Variants in CNTN5 observed in about 807,000 individuals in gnomAD.
CNTN5 encodes the protein contactin-5.
Under a neutral mutation model 129.1 loss-of-function variants are expected in CNTN5, and 77 were observed. That is an observed-to-expected ratio of 0.60 (90% CI 0.50 to 0.72). The LOEUF (loss-of-function observed/expected upper bound fraction) is 0.72. Ranked by LOEUF, CNTN5 falls within the 30% of genes least tolerant of loss-of-function variation. CNTN5 has a pLI of 0.00. For synonymous variants in CNTN5, 509 were observed against 465.6 expected, an observed-to-expected ratio of 1.09 and a Z score of -1.20; for missense variants, 1,478 against 1,328.8, an observed-to-expected ratio of 1.11 and a Z score of -1.75.
chr11:100,267,291 AG>A (rs1565384543), intron 17 of CNTN5, among the ~76,000 whole-genome samples: 31 of 152,000 alleles, frequency 2.0e-4, no homozygotes, highest in African/African-American at 7.2e-4. Context: ...AGAGAGAGAG[AG>A]AAAGAGAGAG....
chr11:99,629,675 CTTA>C, intron 3 of CNTN5, among the ~76,000 whole-genome samples: 1 of 89,356 alleles, frequency 1.1e-5, no homozygotes, highest in African/African-American at 3.2e-5. Flanking sequence ...AACCTTAATT[CTTA>C]CTACTCGATG....
At chr11:100,003,625 A>G (rs1311816526) in intron 9 of CNTN5, among the ~76,000 whole-genome samples, 1 of 152,226 alleles carries the variant, frequency 6.6e-6, no homozygotes, top group Non-Finnish European at 1.5e-5. Context: ...AAGCTTATTT[A>G]ATAAGTTAGA....
At chr11:99,581,897 G>T (rs1949613247) in intron 3 of CNTN5, among the ~76,000 whole-genome samples, 1 of 152,146 alleles carries the variant, frequency 6.6e-6, no homozygotes, top group Non-Finnish European at 1.5e-5. Flanking sequence ...TTGCTCGTTA[G>T]TTGATGCAGT....
intron 13 of CNTN5, among the ~76,000 whole-genome samples, chr11:100,165,675 A>G (rs2161051): frequency 0.22 from 33,833 of 151,566 alleles, 4,857 homozygotes; most frequent in East Asian, 0.56. Context: ...AATAATTACT[A>G]CTGAGAGCGG....
chr11:99,683,763 T>C (rs1260414222), intron 3 of CNTN5, among the ~76,000 whole-genome samples: 1 of 151,856 alleles, frequency 6.6e-6, no homozygotes, highest in Non-Finnish European at 1.5e-5. Flanking sequence ...AGTGTATTTC[T>C]CTTTTACATT....
intron 2 of CNTN5, among the ~76,000 whole-genome samples, chr11:99,329,118 C>G (rs1865904483): frequency 1.3e-5 from 2 of 152,038 alleles, no homozygotes; most frequent in South Asian, 4.2e-4. Context: ...TATGTTGGTG[C>G]ATTAATATTT....
intron 1 of CNTN5, among the ~76,000 whole-genome samples, chr11:99,140,640 G>T (rs964421131): frequency 1.3e-5 from 2 of 151,896 alleles, no homozygotes; most frequent in African/African-American, 4.8e-5. Context: ...TGTCATAGAT[G>T]GCCCTTATTA....
intron 2 of CNTN5, among the ~76,000 whole-genome samples, chr11:99,401,099 T>C (rs1179573026): frequency 2.6e-5 from 4 of 152,160 alleles, no homozygotes; most frequent in Admixed American, 2.6e-4. Context: ...ATCCCATTTG[T>C]CTATTTTTGC....
At chr11:99,635,890 G>A (rs1951532450) in intron 3 of CNTN5, among the ~76,000 whole-genome samples, 2 of 152,042 alleles carry the variant, frequency 1.3e-5, no homozygotes, top group African/African-American at 2.4e-5. Flanking sequence ...CCCAAGTGGT[G>A]CACTAAACCA....
At chr11:100,267,933 C>G (rs909580825) in intron 17 of CNTN5, among the ~76,000 whole-genome samples, 1 of 152,130 alleles carries the variant, frequency 6.6e-6, no homozygotes, top group Admixed American at 6.6e-5. Flanking sequence ...TGACGCAGGT[C>G]ACTGATGCTT....
At chr11:99,203,033 G>T (rs1286541217) in intron 1 of CNTN5, among the ~76,000 whole-genome samples, 1 of 152,010 alleles carries the variant, frequency 6.6e-6, no homozygotes, top group African/African-American at 2.4e-5. Flanking sequence ...CAGGCAGAGA[G>T]GGAGGGAGGA....
intron 4 of CNTN5, among the ~76,000 whole-genome samples, chr11:99,821,874 C>T (rs1010862359): frequency 1.3e-5 from 2 of 152,080 alleles, no homozygotes; most frequent in Non-Finnish European, 2.9e-5. Context: ...ATCATTTGGT[C>T]CTCTGCTAAT....
intron 23 of CNTN5, among the ~76,000 whole-genome samples, chr11:100,346,326 A>G (rs776407112): frequency 9.2e-5 from 14 of 152,180 alleles, no homozygotes; most frequent in Non-Finnish European, 1.9e-4. Flanking sequence ...ATATTCAGCC[A>G]TAATTTTTAA....
At chr11:100,146,097 T>C (rs1438177379) in intron 13 of CNTN5, among the ~76,000 whole-genome samples, 1 of 152,168 alleles carries the variant, frequency 6.6e-6, no homozygotes, top group African/African-American at 2.4e-5. Flanking sequence ...GCTGTATAAA[T>C]ATAAGCATGG....
intron 2 of CNTN5, among the ~76,000 whole-genome samples, chr11:99,403,056 G>A (rs1477607277): frequency 6.7e-6 from 1 of 150,046 alleles, no homozygotes; most frequent in African/African-American, 2.4e-5. Context: ...ACCCAGGCTG[G>A]AGTGCAGTGG....
intron 3 of CNTN5, among the ~76,000 whole-genome samples, chr11:99,758,611 A>G (rs561007696): frequency 6.6e-6 from 1 of 152,174 alleles, no homozygotes; most frequent in African/African-American, 2.4e-5. Flanking sequence ...TAATCTTATG[A>G]GAGTGTTGTG....
At chr11:99,132,577 T>C (rs748868725) in intron 1 of CNTN5, among the ~76,000 whole-genome samples, 3 of 152,092 alleles carry the variant, frequency 2.0e-5, no homozygotes, top group African/African-American at 7.2e-5. Flanking sequence ...ACAATCAATG[T>C]GCAGAAATCA....
intron 3 of CNTN5, among the ~76,000 whole-genome samples, chr11:99,623,090 A>G (rs1007687309): frequency 5.3e-5 from 8 of 152,244 alleles, no homozygotes; most frequent in African/African-American, 1.9e-4. Context: ...ATTTCAATGT[A>G]ACCTCTGTTT....
At chr11:99,375,243 C>T (rs1325032809) in intron 2 of CNTN5, among the ~76,000 whole-genome samples, 1 of 122,392 alleles carries the variant, frequency 8.2e-6, no homozygotes, top group African/African-American at 3.1e-5. Context: ...GCAAAGGTTG[C>T]AATGAATGTA....
Sources: gnomAD v4.1 joint callset for allele counts (sites outside exome capture counted in the v4.1 genomes callset) on GRCh38, gnomAD v4.1.1 for gene constraint, MANE v1.5 for transcripts, NCBI Gene and HGNC (gene_info 2026-07-23, HGNC 2026-07-21) for gene names.